Variants in PLPP2 observed in about 807,000 individuals in gnomAD.
PLPP2 encodes PAP2-gamma.
A neutral mutation model predicts 35.2 loss-of-function variants in PLPP2; 29 were observed. The ratio of observed to expected loss-of-function variants is 0.82; its 90% CI spans 0.61 to 1.12. The LOEUF (loss-of-function observed/expected upper bound fraction) is 1.12. Ranked by LOEUF, PLPP2 falls within the 50% of genes most tolerant of loss-of-function variation. PLPP2 has a pLI of 0.00. For synonymous variants in PLPP2, 162 were observed against 167.0 expected, an observed-to-expected ratio of 0.97 and a Z score of 0.23; for missense variants, 353 against 375.2, an observed-to-expected ratio of 0.94 and a Z score of 0.49.
In PLPP2 at chr19:287,113, C is replaced by A; in HGVS notation, c.482+361G>T. On this transcript the variant is annotated intron_variant, in intron 3 of 5. Coordinates refer to ENST00000434325, the MANE Select transcript of PLPP2 (RefSeq NM_003712.4). The surrounding 1 kb of genome is among the most constrained non-coding windows in gnomAD (Gnocchi z 4.3). ...CATGCAAACAATAACAAAAAGAGAA[C>A]CAGAATAGCTATGTTAATATCAGAC... The A allele has an allele frequency of 5.1e-6, 1 of 196,136 alleles. No homozygotes were observed. The highest frequency in any genetic ancestry group is 1.0e-5 in the Non-Finnish European group (1 of 95,894). 12.1% of individuals were successfully genotyped at this position (196,136 alleles called of 1,614,324 possible). A position where few individuals can be genotyped will look rare whatever the true frequency, so the allele number is the denominator to read the frequency against.
At chr19:288,619 C>T (rs1298596279) in intron 1 of PLPP2, 2 of 154,242 alleles carry the variant, frequency 1.3e-5, no homozygotes, top group Admixed American at 6.4e-5. Flanking sequence ...AATTTATGTG[C>T]GGGGCCCCAA....
intron 3 of PLPP2, chr19:286,547 T>A (rs1351511307): frequency 6.6e-6 from 1 of 151,628 alleles, no homozygotes; most frequent in East Asian, 1.9e-4. Context: ...ATGACAGAGG[T>A]CCTTCCTTAT....
At chr19:291,143 C>G in intron 1 of PLPP2, 142 bp downstream of exon 1, 1 of 1,442,526 alleles carries the variant, frequency 6.9e-7, no homozygotes, top group Non-Finnish European at 9.2e-7. Context: ...GAGGTCTGGT[C>G]CTCACGCGAG....
rs756094072 is a variant in PLPP2 at position 282,208 on chromosome 19, C to T, written c.643G>A (p.Val215Met). ...AFALYVGYTR[V>M]SDYKHHWSDV... ...CTCCAGTGGTGTTTGTAATCAGACA[C>T]GCGGGTGTAGCCCACGTAGAGGGCA... The change falls in exon 5 of 6, where the codon GTG becomes ATG. Residue 215 changes from valine (V) to methionine (M), a missense_variant. Coordinates refer to ENST00000434325, the MANE Select transcript of PLPP2 (RefSeq NM_003712.4). 2.0e-5 allele frequency: 32 copies of T among 1,613,772 alleles called. No homozygotes were observed. Among genetic ancestry groups the T allele is most frequent in the Middle Eastern group, 3.3e-4 (2 of 6,082 alleles).
intron 1 of PLPP2, among the ~76,000 whole-genome samples, chr19:289,365 G>C (rs1970336668): frequency 6.6e-6 from 1 of 152,206 alleles, no homozygotes; most frequent in African/African-American, 2.4e-5. Flanking sequence ...TGCTGGCTAA[G>C]TCTGGGGAAA....
chr19:283,092 C>G (rs1009977640), intron 3 of PLPP2: 5 of 381,674 alleles, frequency 1.3e-5, no homozygotes, highest in African/African-American at 1.0e-4. Flanking sequence ...GGCAACACCA[C>G]AGTTTCATTT....
At chr19:281,894 G>A in intron 5 of PLPP2, 1 of 540,326 alleles carries the variant, frequency 1.9e-6, no homozygotes, top group Non-Finnish European at 3.3e-6. Flanking sequence ...GGACTTTGGG[G>A]GTAATGAAGA....
chr19:290,466 C>T lies in PLPP2; in HGVS notation c.52+819G>A, dbSNP rs553029482. 1.5e-3 allele frequency among the ~76,000 whole-genome samples: 235 copies of T among 152,310 alleles called. 1 individual carries two copies. Among genetic ancestry groups the T allele is most frequent in the African/African-American group, 5.4e-3 (224 of 41,572 alleles). On this transcript the variant is annotated intron_variant, in intron 1 of 5. Transcript: ENST00000434325. Reference sequence around the variant, plus strand: ...CTGGCCCACCCTAAAAAAGGGTCTCCTTCCGGAGGTAAGAGGACTTGGCCT... The same window carrying T: ...CTGGCCCACCCTAAAAAAGGGTCTCTTTCCGGAGGTAAGAGGACTTGGCCT...
intron 1 of PLPP2, chr19:290,858 G>A (rs1015939477): frequency 1.9e-6 from 2 of 1,040,818 alleles, no homozygotes; most frequent in Non-Finnish European, 2.4e-6. Context: ...CCCTCTCCGC[G>A]CGCAGCGGGA....
In PLPP2 at chr19:282,785, A is replaced by G. The variant is rs763007978; in HGVS notation, c.507T>C (p.Ser169=). ...ACACCATGCAGTACATCCCAAAGGA[A>G]GAGTGTCCCGAGTAGAAAGACAACC... The part of the protein sequence containing the change: ...EARLSFYSGH[S]SFGMYCMVFL... Residue 169 remains serine, a synonymous_variant, in exon 4 of 6, where the codon TCT becomes TCC. Transcript: ENST00000434325. The G allele has an allele frequency of 6.2e-7, 1 of 1,613,840 alleles. No homozygotes were observed. The highest frequency in any genetic ancestry group is 8.5e-7 in the Non-Finnish European group (1 of 1,179,900).
chr19:284,766 G>A (rs1275533980), intron 3 of PLPP2: 3 of 152,206 alleles, frequency 2.0e-5, no homozygotes, highest in African/African-American at 4.8e-5. Context: ...AAAATCACTT[G>A]AGGGAGGCTC....
intron 1 of PLPP2, chr19:288,391 C>G: frequency 2.3e-6 from 1 of 429,238 alleles, no homozygotes; most frequent in Non-Finnish European, 4.1e-6. Context: ...AGCCTCCTTT[C>G]TGCTCCTTGA....
chr19:288,995 T>A (rs1970327548), intron 1 of PLPP2, among the ~76,000 whole-genome samples: 1 of 152,176 alleles, frequency 6.6e-6, no homozygotes. Context: ...TGCCCCTTCA[T>A]CGACCAGCCA....
intron 1 of PLPP2, among the ~76,000 whole-genome samples, chr19:289,495 C>G (rs1396055241): frequency 6.6e-6 from 1 of 151,810 alleles, no homozygotes; most frequent in East Asian, 1.9e-4. Flanking sequence ...GCGGGCAGAT[C>G]ACGAGGTCAG....
chr19:288,312 T>G, intron 1 of PLPP2, 141 bp from the exon 2 acceptor site: 1 of 769,620 alleles, frequency 1.3e-6, no homozygotes, highest in Non-Finnish European at 2.0e-6. Context: ...ACAGCCCAAA[T>G]AACACTCCCT....
Position 287,421 on chromosome 19 carries a change from C to A in PLPP2, c.482+53G>T. On this transcript the variant is annotated intron_variant, in intron 3 of 5. Transcript: ENST00000434325. This position sits in a 1 kb window ranked among gnomAD's most constrained non-coding sequence, Gnocchi z 4.3. ...GGCTCTTCATGATTTGGCTCCAGGGCCTTCTTCAGCTCCCATTCCCCACAA... is the reference window on the plus strand; with the variant it reads ...GGCTCTTCATGATTTGGCTCCAGGGACTTCTTCAGCTCCCATTCCCCACAA... The A allele has an allele frequency of 6.4e-7, 1 of 1,563,486 alleles. No homozygotes were observed. The highest frequency in any genetic ancestry group is 8.7e-7 in the Non-Finnish European group (1 of 1,151,608).
chr19:291,346 G>A lies in PLPP2; in HGVS notation c.-10C>T. On this transcript the variant is annotated 5_prime_UTR_variant, in exon 1 of 6. Coordinates refer to ENST00000434325, the MANE Select transcript of PLPP2 (RefSeq NM_003712.4). ...CCCACCTCCGCTGCATGGTCCCCGC[G>A]ACCCCCGACGCCGGTCCCAGCGCGT... 1.9e-6 allele frequency: 3 copies of A among 1,588,440 alleles called. 1 individual carries two copies. The highest frequency in any genetic ancestry group is 2.3e-5 in the South Asian group (2 of 88,462).
At chr19:290,988 G>C in intron 1 of PLPP2, 1 of 1,248,540 alleles carries the variant, frequency 8.0e-7, no homozygotes. Context: ...AGGCGCGCGC[G>C]CGGCCCCTCC....
At position 287,682 on chromosome 19, in the gene PLPP2, C is replaced by A. The variant is rs1280388498; in HGVS notation, c.274G>T (p.Val92Leu). 2 of 1,613,842 alleles carry A rather than the reference C, an allele frequency of 1.2e-6. No homozygotes were observed. The highest frequency in any genetic ancestry group is 1.7e-6 in the Non-Finnish European group (2 of 1,180,046). ...LYSRSDFNNY[V>L]AAVYKVLGTF... is the part of the protein sequence containing the mutation. ...CCCAGCACCTTGTATACAGCAGCCACGTAGTTGTTGAAGTCCGAGCGAGAA... is the reference window on the plus strand; with the variant it reads ...CCCAGCACCTTGTATACAGCAGCCAAGTAGTTGTTGAAGTCCGAGCGAGAA... Residue 92 changes from valine to leucine, a missense_variant, in exon 3 of 6, where the codon GTG becomes TTG. Val to Leu is a conservative substitution (Grantham distance 32). Transcript: ENST00000434325. The surrounding 1 kb of genome is among the most constrained non-coding windows in gnomAD (Gnocchi z 4.3).
Sources: allele counts gnomAD v4.1 joint callset (sites outside exome capture counted in the v4.1 genomes callset), GRCh38; gene constraint gnomAD v4.1.1; non-coding constraint Gnocchi (gnomAD v3.1); transcripts MANE v1.5; gene names NCBI Gene and HGNC (gene_info 2026-07-23, HGNC 2026-07-21).